GABRB2: variants seen among roughly 807,000 people sequenced by gnomAD.
GABRB2 encodes the protein gamma-aminobutyric acid receptor subunit beta-2.
In GABRB2, 16 loss-of-function variants were observed where a neutral mutation model predicts 54.7. The ratio of observed to expected loss-of-function variants is 0.29; its 90% CI spans 0.20 to 0.44. The LOEUF (loss-of-function observed/expected upper bound fraction) is 0.44, where lower values mean the gene tolerates loss of function less well. GABRB2 is among the 20% of genes least tolerant of loss of function. The pLI is 1.00. For synonymous variants in GABRB2, 244 were observed against 233.8 expected (o/e 1.04, Z -0.40); for missense variants, 355 against 644.0 (o/e 0.55, Z 4.86).
intron 5 of GABRB2, among the ~76,000 whole-genome samples, chr5:161,345,242 G>T (rs1754286484): frequency 6.6e-6 from 1 of 151,874 alleles, no homozygotes; most frequent in Non-Finnish European, 1.5e-5. Context: ...TGTGCACTTT[G>T]TATCTTATAG....
intron 5 of GABRB2, among the ~76,000 whole-genome samples, chr5:161,385,455 C>G (rs1418561481): frequency 6.6e-6 from 1 of 152,132 alleles, no homozygotes. Flanking sequence ...TTGAAACTGT[C>G]ATTTCATAGT....
intron 4 of GABRB2, among the ~76,000 whole-genome samples, chr5:161,439,387 C>T (rs535635475): frequency 2.6e-5 from 4 of 152,108 alleles, no homozygotes; most frequent in African/African-American, 9.6e-5. Flanking sequence ...TCCTGTCTTA[C>T]AAGAAATGTT....
chr5:161,545,318 C>T (rs775659800), intron 2 of GABRB2, 24 bp from the exon 3 acceptor site: 2 of 1,575,180 alleles, frequency 1.3e-6, no homozygotes, highest in African/African-American at 1.4e-5. Flanking sequence ...CGGCCAGCCA[C>T]GTGATTTCTT....
At chr5:161,316,031 A>G (rs1758019188) in intron 9 of GABRB2, among the ~76,000 whole-genome samples, 1 of 152,226 alleles carries the variant, frequency 6.6e-6, no homozygotes, top group Non-Finnish European at 1.5e-5. Flanking sequence ...TACATTAATT[A>G]CCACTCATTT....
At chr5:161,510,308 A>G (rs897068950) in intron 3 of GABRB2, among the ~76,000 whole-genome samples, 25 of 151,286 alleles carry the variant, frequency 1.7e-4, no homozygotes, top group African/African-American at 6.1e-4. Context: ...CATGAGTTCA[A>G]TTGCTTTGAT....
At chr5:161,520,167 C>T (rs1006174711) in intron 3 of GABRB2, among the ~76,000 whole-genome samples, 2 of 151,982 alleles carry the variant, frequency 1.3e-5, no homozygotes, top group Non-Finnish European at 2.9e-5. Flanking sequence ...TTCCAGCTGG[C>T]CATGAGATTA....
intron 5 of GABRB2, among the ~76,000 whole-genome samples, chr5:161,355,724 G>T (rs1210452114): frequency 6.6e-6 from 1 of 151,984 alleles, no homozygotes; most frequent in Non-Finnish European, 1.5e-5. Flanking sequence ...AAAAGGATCT[G>T]ACTCAAACCA....
At chr5:161,372,505 A>G (rs541138351) in intron 5 of GABRB2, among the ~76,000 whole-genome samples, 1 of 152,120 alleles carries the variant, frequency 6.6e-6, no homozygotes, top group East Asian at 1.9e-4. Context: ...TGGGAAACTT[A>G]CTCATTTACA....
At chr5:161,527,402 T>C (rs775682982) in intron 3 of GABRB2, among the ~76,000 whole-genome samples, 1 of 151,502 alleles carries the variant, frequency 6.6e-6, no homozygotes, top group Non-Finnish European at 1.5e-5. Flanking sequence ...GAATAATATC[T>C]GAATATTTAT....
chr5:161,433,493 C>T (rs1317236845), intron 4 of GABRB2, among the ~76,000 whole-genome samples: 1 of 151,356 alleles, frequency 6.6e-6, no homozygotes, highest in East Asian at 1.9e-4. Context: ...GCCTGTAGTC[C>T]CAGCTACCCA....
At chr5:161,341,794 A>G (rs1197873227) in intron 5 of GABRB2, among the ~76,000 whole-genome samples, 3 of 150,608 alleles carry the variant, frequency 2.0e-5, no homozygotes, top group Non-Finnish European at 3.0e-5. Context: ...CAATCTATAT[A>G]TTTTGTTATC....
intron 5 of GABRB2, among the ~76,000 whole-genome samples, chr5:161,395,990 T>C (rs577701878): frequency 4.9e-4 from 75 of 152,324 alleles, no homozygotes; most frequent in African/African-American, 1.7e-3. Context: ...AAGTTTCTAT[T>C]TTCTGATCTT....
intron 3 of GABRB2, among the ~76,000 whole-genome samples, chr5:161,463,166 G>A (rs1758164975): frequency 1.3e-5 from 2 of 151,876 alleles, no homozygotes; most frequent in African/African-American, 2.4e-5. Context: ...AATTCTGGAC[G>A]AAATAAAACC....
At chr5:161,374,990 T>G (rs1403707957) in intron 5 of GABRB2, among the ~76,000 whole-genome samples, 1 of 152,182 alleles carries the variant, frequency 6.6e-6, no homozygotes, top group African/African-American at 2.4e-5. Flanking sequence ...CAAAAAGTCA[T>G]TTTTTGCATG....
At chr5:161,420,479 G>A (rs1435957005) in intron 4 of GABRB2, among the ~76,000 whole-genome samples, 1 of 152,224 alleles carries the variant, frequency 6.6e-6, no homozygotes. Context: ...CAGGCTCCCT[G>A]GGCTTCAGGG....
chr5:161,302,175 G>A (rs1757559083), intron 9 of GABRB2, among the ~76,000 whole-genome samples: 1 of 152,192 alleles, frequency 6.6e-6, no homozygotes, highest in South Asian at 2.1e-4. Context: ...ACTGACCCAT[G>A]TGATGATGGT....
At chr5:161,314,681 C>G (rs752851986) in intron 9 of GABRB2, among the ~76,000 whole-genome samples, 2 of 152,022 alleles carry the variant, frequency 1.3e-5, no homozygotes, top group Non-Finnish European at 2.9e-5. Context: ...CTCTCTTTCT[C>G]TCTCCCCCCT....
At chr5:161,295,696 GC>G (rs1220120491) in intron 9 of GABRB2, among the ~76,000 whole-genome samples, 1 of 152,126 alleles carries the variant, frequency 6.6e-6, no homozygotes, top group Admixed American at 6.5e-5. Flanking sequence ...TGGTTTAATG[GC>G]CATGTATTAT....
chr5:161,464,461 A>T (rs1161961901), intron 3 of GABRB2, among the ~76,000 whole-genome samples: 1 of 152,140 alleles, frequency 6.6e-6, no homozygotes, highest in Admixed American at 6.6e-5. Flanking sequence ...AGTGCTGGTG[A>T]GAAGGTACAC....
Sources: gnomAD v4.1 joint callset for allele counts (sites outside exome capture counted in the v4.1 genomes callset) on GRCh38, gnomAD v4.1.1 for gene constraint, MANE v1.5 for transcripts, NCBI Gene and HGNC (gene_info 2026-07-23, HGNC 2026-07-21) for gene names.